The following POU2F1 variants were observed in gnomAD, a reference collection of about 807,000 sequenced individuals.
POU2F1 encodes the protein POU class 2 homeobox 1.
In POU2F1, 16 loss-of-function variants were observed where a neutral mutation model predicts 84.9. That is an observed-to-expected ratio of 0.19 (90% confidence interval 0.13 to 0.29). The LOEUF (loss-of-function observed/expected upper bound fraction) is 0.29, where lower values mean the gene tolerates loss of function less well. POU2F1 is among the 10% of genes least tolerant of loss of function. The probability of loss-of-function intolerance (pLI) is 1.00; values close to 1 mark genes in which losing one functional copy is unlikely to be tolerated. For missense variants in POU2F1, 738 were observed against 942.6 expected, an observed-to-expected ratio of 0.78 and a Z score of 2.84; for synonymous variants, 368 against 368.3, an observed-to-expected ratio of 1.00 and a Z score of 0.01.
Position 167,282,448 on chromosome 1 carries a change from A to G in POU2F1, c.62-50022A>G, listed in dbSNP as rs266823. 2.4e-3 allele frequency among the ~76,000 whole-genome samples: 366 copies of G among 152,242 alleles called. 4 individuals are homozygous for G. The highest frequency in any genetic ancestry group is 8.6e-3 in the African/African-American group (358 of 41,518). On this transcript the variant is annotated intron_variant, in intron 1 of 15. Transcript: ENST00000367866. Reference sequence around the variant, plus strand: ...CGTGACCTACCGCGCCTGGCCAAAAATTTTTAAATTTCTATTACATCCCTC... The same window carrying G: ...CGTGACCTACCGCGCCTGGCCAAAAGTTTTTAAATTTCTATTACATCCCTC...
chr1:167,244,405 G>T (rs556112987), intron 1 of POU2F1, among the ~76,000 whole-genome samples: 1 of 152,340 alleles, frequency 6.6e-6, no homozygotes, highest in East Asian at 1.9e-4. Flanking sequence ...CTTCCTGGCA[G>T]TTGGCCAGAG....
chr1:167,399,531 TTC>T (rs1016341748), intron 12 of POU2F1, among the ~76,000 whole-genome samples, 166 bp downstream of exon 12: 4 of 152,158 alleles, frequency 2.6e-5, no homozygotes, highest in Non-Finnish European at 5.9e-5. Context: ...GAAATTCTCA[TTC>T]TCTCTTTCCT....
chr1:167,227,888 A>G (rs975452760), intron 1 of POU2F1, among the ~76,000 whole-genome samples: 3 of 152,238 alleles, frequency 2.0e-5, no homozygotes, highest in Non-Finnish European at 4.4e-5. Flanking sequence ...CTGGAAGGTA[A>G]TTTAGATATA....
intron 1 of POU2F1, among the ~76,000 whole-genome samples, chr1:167,309,635 C>T (rs1214871196): frequency 1.3e-5 from 2 of 152,088 alleles, no homozygotes; most frequent in African/African-American, 2.4e-5. Context: ...TACTACACCA[C>T]CTTTGGTTAA....
In POU2F1 at chr1:167,356,583, A is replaced by C. The variant is rs113509660; in HGVS notation, c.128-8884A>C. ...AAGGTATTTGAGTCACTGGCGGCAA[A>C]TATATACGGGTCTGCAGCAACTTCA... On this transcript the variant is annotated intron_variant, in intron 2 of 15. Transcript: ENST00000367866. Among the ~76,000 whole-genome samples the C allele has an allele frequency of 4.6e-3, 706 of 152,212 alleles. 4 individuals are homozygous for C. Among genetic ancestry groups the C allele is most frequent in the African/African-American group, 0.016 (670 of 41,524 alleles).
intron 1 of POU2F1, among the ~76,000 whole-genome samples, chr1:167,273,340 A>G (rs1652504465): frequency 6.6e-6 from 1 of 152,148 alleles, no homozygotes; most frequent in African/African-American, 2.4e-5. Context: ...CCCTCTTGTC[A>G]CAGCTCCAGT....
rs1004005475 is a variant in POU2F1 at position 167,420,137 on chromosome 1, G to A, written c.*4327G>A. The A allele has an allele frequency of 1.3e-5, 2 of 149,870 alleles. No individual in the cohort carries two copies. Among genetic ancestry groups the A allele is most frequent in the African/African-American group, 4.9e-5 (2 of 40,830 alleles). 9.3% of individuals were successfully genotyped at this position (149,870 alleles called of 1,614,324 possible). The stretch of plus-strand genomic sequence containing the variant: ...TTCTTTTTAACTTGCTGGAAAAGTT[G>A]GATACATTGGCAAATATAGGGAATT... On this transcript the variant is annotated 3_prime_UTR_variant, in exon 16 of 16. Coordinates refer to ENST00000367866, the MANE Select transcript of POU2F1 (RefSeq NM_002697.4).
Position 167,374,278 on chromosome 1 carries a change from G to A in POU2F1, c.573G>A (p.Gln191=). 1 of 1,605,568 alleles carries A rather than the reference G, an allele frequency of 6.2e-7. No homozygotes were observed. Among genetic ancestry groups the A allele is most frequent in the South Asian group, 1.1e-5 (1 of 90,114 alleles). ...ATPMTQIPLS[Q]PIQIAQDLQQ... Reference sequence around the variant, plus strand: ...CCATGACGCAGATCCCCCTGTCTCAGCCCATACAGATCGCACAGGTGAGTG... The same window carrying A: ...CCATGACGCAGATCCCCCTGTCTCAACCCATACAGATCGCACAGGTGAGTG... Residue 191 remains glutamine, a synonymous_variant, in exon 6 of 16, where the codon CAG becomes CAA. Transcript: ENST00000367866.
In POU2F1 at chr1:167,269,576, G is replaced by A. The variant is rs2999729; in HGVS notation, c.61+48618G>A. The stretch of plus-strand genomic sequence containing the variant: ...GAGAAGGAATAGTATTTCTTTTTTA[G>A]TATTGTTTTGAAATTAAAACTCTGT... On this transcript the variant is annotated intron_variant, in intron 1 of 15. Transcript: ENST00000367866. 3.1e-3 allele frequency among the ~76,000 whole-genome samples: 479 copies of A among 152,274 alleles called. 5 individuals are homozygous for A. The highest frequency in any genetic ancestry group is 0.011 in the African/African-American group (444 of 41,548).
In POU2F1 at chr1:167,361,623, G is replaced by A. The variant is rs149809318; in HGVS notation, c.128-3844G>A. Among the ~76,000 whole-genome samples the A allele has an allele frequency of 4.3e-3, 648 of 152,230 alleles. 11 individuals are homozygous for A. Among genetic ancestry groups the A allele is most frequent in the African/African-American group, 0.015 (612 of 41,538 alleles). The stretch of plus-strand genomic sequence containing the variant: ...TCTATGTTCATCTGGATGTTGGCCT[G>A]TAGTTTCCTTTTTTTGTTGTATCAT... On this transcript the variant is annotated intron_variant, in intron 2 of 15. Coordinates refer to ENST00000367866, the MANE Select transcript of POU2F1 (RefSeq NM_002697.4).
At chr1:167,221,638 C>T (rs1312566953) in intron 1 of POU2F1, among the ~76,000 whole-genome samples, 3 of 150,932 alleles carry the variant, frequency 2.0e-5, no homozygotes, top group East Asian at 3.9e-4. Context: ...GCCCGCGCCC[C>T]GCGCGGGGCT....
intron 2 of POU2F1, among the ~76,000 whole-genome samples, chr1:167,354,219 T>G (rs995086595): frequency 1.1e-4 from 16 of 152,224 alleles, no homozygotes; most frequent in Non-Finnish European, 4.4e-5. Flanking sequence ...ACAAATAATA[T>G]GGCTATAAAT....
Position 167,327,107 on chromosome 1 carries a change from CTATAAT to C in POU2F1, c.62-5362_62-5357del, listed in dbSNP as rs778019688. Among the ~76,000 whole-genome samples the C allele has an allele frequency of 9.4e-3, 1,429 of 152,230 alleles. 18 individuals are homozygous for C. The highest frequency in any genetic ancestry group is 0.03 in the African/African-American group (1,247 of 41,530). ...ACTCATTTGAAATTTGTGTTCTCTT[CTATAAT>C]GTATTCTTATTTTAATACAAAGTGG... On this transcript the variant is annotated intron_variant, in intron 1 of 15. Transcript: ENST00000367866.
chr1:167,262,049 A>G (rs972981658), intron 1 of POU2F1, among the ~76,000 whole-genome samples: 3 of 152,180 alleles, frequency 2.0e-5, no homozygotes, highest in Admixed American at 6.5e-5. Context: ...TCGTGTACCT[A>G]AGAATAGAAC....
At chr1:167,384,016 A>G (rs1647769596) in intron 8 of POU2F1, 65 bp downstream of exon 8, 1 of 1,298,936 alleles carries the variant, frequency 7.7e-7, no homozygotes, top group Non-Finnish European at 1.0e-6. Context: ...TTTGGACTTT[A>G]TTTAATTTTT....
At chr1:167,255,907 G>A (rs1651094879) in intron 1 of POU2F1, among the ~76,000 whole-genome samples, 1 of 152,108 alleles carries the variant, frequency 6.6e-6, no homozygotes, top group African/African-American at 2.4e-5. Context: ...GGAACAGGGA[G>A]GCATTTACCT....
Position 167,415,956 on chromosome 1 carries a change from A to AAC in POU2F1, c.*146_*147insAC. ...AGAGAAGGGAGAAAAAAAAAAAAAA[A>AAC]CCACACACACCCATACACACATACC... On this transcript the variant is annotated 3_prime_UTR_variant, in exon 16 of 16. Coordinates refer to ENST00000367866, the MANE Select transcript of POU2F1 (RefSeq NM_002697.4). The AAC allele has an allele frequency of 1.2e-6, 1 of 820,816 alleles. No individual in the cohort carries two copies. The highest frequency in any genetic ancestry group is 1.7e-5 in the South Asian group (1 of 58,070). The allele number at this position is 820,816 out of a possible 1,614,324, so 50.8% of individuals were successfully genotyped here.
rs1384513223 is a variant in POU2F1, at chr1:167,423,352, G to A, written c.*7542G>A. ...TGAATATTGCATCAAAAATGATTAG[G>A]TTGCAGAACTTCATGAAAGCTTTAC... On this transcript the variant is annotated 3_prime_UTR_variant, in exon 16 of 16. Transcript: ENST00000367866. 6.6e-6 allele frequency: 1 copy of A among 152,158 alleles called. No homozygotes were observed. Among genetic ancestry groups the A allele is most frequent in the East Asian group, 1.9e-4 (1 of 5,194 alleles). The allele number at this position is 152,158 out of a possible 1,614,324, so 9.4% of individuals were successfully genotyped here.
At chr1:167,310,089 T>A (rs1182676096) in intron 1 of POU2F1, among the ~76,000 whole-genome samples, 1 of 152,170 alleles carries the variant, frequency 6.6e-6, no homozygotes. Context: ...AGATTTTTTC[T>A]TATTAGAATG....
Sources: gnomAD v4.1 joint callset for allele counts (sites outside exome capture counted in the v4.1 genomes callset) on GRCh38, gnomAD v4.1.1 for gene constraint, MANE v1.5 for transcripts, NCBI Gene and HGNC (gene_info 2026-07-23, HGNC 2026-07-21) for gene names.